The following TBX2 variants were observed in gnomAD, a reference collection of about 807,000 sequenced individuals.
TBX2 encodes the protein T-box transcription factor TBX2.
Under a neutral mutation model 48.4 loss-of-function variants are expected in TBX2, and 19 were observed. The ratio of observed to expected loss-of-function variants is 0.39; its 90% CI spans 0.27 to 0.58. The LOEUF (loss-of-function observed/expected upper bound fraction) is 0.58, where lower values mean the gene tolerates loss of function less well. Among genes scored for constraint, TBX2 ranks in the 20% least tolerant of loss-of-function variants. The pLI, the probability that TBX2 is intolerant of heterozygous loss-of-function variation, is 0.54. For missense variants in TBX2, 994 were observed against 1,006.5 expected, an observed-to-expected ratio of 0.99 and a Z score of 0.17; for synonymous variants, 522 against 459.7, an observed-to-expected ratio of 1.14 and a Z score of -1.73.
chr17:61,401,902 C>T lies in TBX2; in HGVS notation c.614C>T (p.Ala205Val). ...GAGCAGTGGATGGCTAAGCCTGTGG[C>T]CTTCCACAAGCTGAAGCTGACCAAC... ...TGEQWMAKPV[A>V]FHKLKLTNNI... Residue 205 changes from alanine to valine, a missense_variant, in exon 2 of 7, where the codon GCC (alanine) becomes GTC (valine). By Grantham distance (64) the Ala-to-Val change is moderately conservative (BLOSUM62 0). Transcript: ENST00000240328. 1 of 1,611,874 alleles carries T rather than the reference C, an allele frequency of 6.2e-7. No individual in the cohort carries two copies. Among genetic ancestry groups the T allele is most frequent in the Non-Finnish European group, 8.5e-7 (1 of 1,179,250 alleles).
intron 2 of TBX2, 23 bp downstream of exon 2, chr17:61,401,974 GA>G: frequency 6.4e-7 from 1 of 1,573,682 alleles, no homozygotes; most frequent in Non-Finnish European, 8.6e-7. Context: ...GCAGGGTGGG[GA>G]CGGTGCAGGA....
chr17:61,399,960 C>G lies in TBX2; in HGVS notation c.-217C>G, dbSNP rs1390590620. The G allele has an allele frequency of 6.5e-6, 1 of 154,090 alleles. No homozygotes were observed. Among genetic ancestry groups the G allele is most frequent in the African/African-American group, 2.4e-5 (1 of 41,372 alleles). The allele number at this position is 154,090 out of a possible 1,614,324, so 9.5% of individuals were successfully genotyped here. On this transcript the variant is annotated 5_prime_UTR_variant, in exon 1 of 7. Coordinates refer to ENST00000240328, the MANE Select transcript of TBX2 (RefSeq NM_005994.4). This position sits in a 1 kb window ranked among gnomAD's most constrained non-coding sequence, Gnocchi z 4.7. ...CCGGCGCCGGAGCGGGCCAGCTCAG[C>G]CCGGCCCAGCCCGGCCCCGCGCAGA...
In TBX2 at chr17:61,405,684, C is replaced by T; in HGVS notation, c.1534C>T (p.Leu512=). The T allele has an allele frequency of 7.1e-7, 1 of 1,404,684 alleles. No individual in the cohort carries two copies. The highest frequency in any genetic ancestry group is 1.6e-5 in the South Asian group (1 of 63,006). The allele number at this position is 1,404,684 out of a possible 1,614,324, so 87.0% of individuals were successfully genotyped here. Residue 512 remains leucine (L), a synonymous_variant, in exon 6 of 7, where the codon CTG becomes TTG. Coordinates refer to ENST00000240328, the MANE Select transcript of TBX2 (RefSeq NM_005994.4). ...AFSAMGMGHL[L]ASVAGGGNGG... ...CTCCGCCATGGGCATGGGTCACCTACTGGCCTCGGTGGCAGGCGGCGGCAA... is the reference window on the plus strand; with the variant it reads ...CTCCGCCATGGGCATGGGTCACCTATTGGCCTCGGTGGCAGGCGGCGGCAA...
Position 61,404,668 on chromosome 17 carries a change from G to A in TBX2, c.950G>A (p.Gly317Asp). ...YEEHCKPERD[G>D]AESDASSCDP... ...GAGCACTGCAAACCCGAGCGCGATGGCGCGGAGTCAGACGCCTCGTCGTGC... is the reference window on the plus strand; with the variant it reads ...GAGCACTGCAAACCCGAGCGCGATGACGCGGAGTCAGACGCCTCGTCGTGC... Residue 317 changes from glycine to aspartate, a missense_variant, in exon 5 of 7, where the codon GGC becomes GAC. By Grantham distance (94) the Gly-to-Asp change is moderately conservative. Transcript: ENST00000240328. The A allele has an allele frequency of 6.3e-7, 1 of 1,588,370 alleles. No homozygotes were observed. Among genetic ancestry groups the A allele is most frequent in the Non-Finnish European group, 8.6e-7 (1 of 1,167,810 alleles).
At position 61,405,184 on chromosome 17, in the gene TBX2, C is replaced by T. The variant is rs2060282831; in HGVS notation, c.1052-18C>T. ...CCTCCGCCCAGGCCCCTGTAATCCGCGCGCCCTCTCCCCGCAGCTGAGGAG... is the reference window on the plus strand; with the variant it reads ...CCTCCGCCCAGGCCCCTGTAATCCGTGCGCCCTCTCCCCGCAGCTGAGGAG... On this transcript the variant is annotated intron_variant, in intron 5 of 6. Transcript: ENST00000240328. 1.0e-5 allele frequency: 15 copies of T among 1,480,156 alleles called. No individual in the cohort carries two copies. The highest frequency in any genetic ancestry group is 1.2e-5 in the Non-Finnish European group (14 of 1,121,616). 91.7% of individuals were successfully genotyped at this position (1,480,156 alleles called of 1,614,324 possible).
In TBX2 at chr17:61,402,927, C is replaced by CGAGAGAGAGAGAGAGAGA. The variant is rs1569015300; in HGVS notation, c.664-132_664-131insGAGAGAGAGAGAGAGAGA. The CGAGAGAGAGAGAGAGAGA allele has an allele frequency of 2.2e-5, 7 of 323,730 alleles. No individual in the cohort carries two copies. The African/African-American group carries it at 3.6e-4, about 17-fold the overall frequency. 20.1% of individuals were successfully genotyped at this position (323,730 alleles called of 1,614,324 possible). ...GGAGAAAATGGGGAAGAGGAAGAACCGATAGAGAGAGAGAGAGAGAGAGAG... is the reference window on the plus strand; with the variant it reads ...GGAGAAAATGGGGAAGAGGAAGAACCGAGAGAGAGAGAGAGAGAGATAGAGAGAGAGAGAGAGAGAGAG... On this transcript the variant is annotated intron_variant, in intron 2 of 6. Transcript: ENST00000240328.
Position 61,405,420 on chromosome 17 carries a change from A to G in TBX2, c.1270A>G (p.Lys424Glu). 1 of 1,549,270 alleles carries G rather than the reference A, an allele frequency of 6.5e-7. No individual in the cohort carries two copies. The highest frequency in any genetic ancestry group is 1.9e-5 in the Admixed American group (1 of 51,486). Residue 424 changes from lysine to glutamate, a missense_variant, in exon 6 of 7, where the codon AAG (lysine) becomes GAG (glutamate). This residue lies in a region of TBX2 where 639 missense variants were observed against 613.2 expected (regional missense o/e 1.04). Transcript: ENST00000240328. The part of the protein sequence containing the change: ...DGPFGLRSLE[K>E]ERAEARRKDE... Reference sequence around the variant, plus strand: ...CCCGTTCGGCCTGAGGAGCCTGGAGAAGGAGCGCGCCGAAGCTCGGAGGAA... The same window carrying G: ...CCCGTTCGGCCTGAGGAGCCTGGAGGAGGAGCGCGCCGAAGCTCGGAGGAA...
intron 5 of TBX2, 62 bp downstream of exon 5, chr17:61,404,831 C>T: frequency 1.3e-6 from 2 of 1,530,678 alleles, no homozygotes; most frequent in Non-Finnish European, 8.8e-7. Flanking sequence ...GGTCGCTGGG[C>T]TGGTCTTTTG....
rs1402043473 is a variant in TBX2 at position 61,405,464 on chromosome 17, G to A, written c.1314G>A (p.Glu438=). Residue 438 remains glutamate, a synonymous_variant, in exon 6 of 7, where the codon GAG becomes GAA. Coordinates refer to ENST00000240328, the MANE Select transcript of TBX2 (RefSeq NM_005994.4). ...GGAGGAAGGACGAGGGGCGCAAGGA[G>A]GCGGCCGAGGGCAAGGAGCAGGGCC... The part of the protein sequence containing the change: ...EARRKDEGRK[E]AAEGKEQGLA... 1.9e-6 allele frequency: 3 copies of A among 1,576,484 alleles called. No individual in the cohort carries two copies. The highest frequency in any genetic ancestry group is 2.6e-6 in the Non-Finnish European group (3 of 1,164,896).
Position 61,408,515 on chromosome 17 carries a change from C to G in TBX2, c.*9C>G. ...GGGAGTCGCCCAAGTGAGGGGCTGCCCAGCTGCTCCCCTGCCACGCAGGCC... is the reference window on the plus strand; with the variant it reads ...GGGAGTCGCCCAAGTGAGGGGCTGCGCAGCTGCTCCCCTGCCACGCAGGCC... On this transcript the variant is annotated 3_prime_UTR_variant, in exon 7 of 7. Coordinates refer to ENST00000240328, the MANE Select transcript of TBX2 (RefSeq NM_005994.4). 2.1e-6 allele frequency: 3 copies of G among 1,435,778 alleles called. No individual in the cohort carries two copies. Among genetic ancestry groups the G allele is most frequent in the Non-Finnish European group, 2.7e-6 (3 of 1,095,844 alleles). 88.9% of individuals were successfully genotyped at this position (1,435,778 alleles called of 1,614,324 possible). A position where few individuals can be genotyped will look rare whatever the true frequency, so the allele number is the denominator to read the frequency against.
intron 2 of TBX2, among the ~76,000 whole-genome samples, chr17:61,402,853 G>C (rs549009008): frequency 6.6e-6 from 1 of 151,398 alleles, no homozygotes. Flanking sequence ...AGAAAAGCGA[G>C]AGGAAAAGTA....
rs1278325447 is a variant in TBX2 at position 61,399,853 on chromosome 17, G to A, written c.-324G>A. 6.6e-6 allele frequency: 1 copy of A among 152,054 alleles called. No homozygotes were observed. The highest frequency in any genetic ancestry group is 1.5e-5 in the Non-Finnish European group (1 of 68,038). The allele number at this position is 152,054 out of a possible 1,614,324, so 9.4% of individuals were successfully genotyped here. A position where few individuals can be genotyped will look rare whatever the true frequency, so the allele number is the denominator to read the frequency against. On this transcript the variant is annotated 5_prime_UTR_variant, in exon 1 of 7. Transcript: ENST00000240328. The surrounding 1 kb of genome is among the most constrained non-coding windows in gnomAD (Gnocchi z 4.7). ...AGGGGGGCCTGGCTCGTTAGCGCAG[G>A]GGATCCGAGCTGGGCAGGACATGTG...
Position 61,403,084 on chromosome 17 carries a change from G to T in TBX2, c.687G>T (p.Lys229Asn). The change falls in exon 3 of 7, where the codon AAG becomes AAT. Residue 229 changes from lysine (K) to asparagine (N), a missense_variant. Physicochemically the swap from Lys to Asn is moderately conservative, Grantham distance 94. Around this residue, in one of 5 missense-constraint regions of TBX2, gnomAD observed 153 missense variants for 166.2 expected, o/e 0.92. Transcript: ENST00000240328. This position sits in a 1 kb window ranked among gnomAD's most constrained non-coding sequence, Gnocchi z 5.8. The part of the protein sequence containing the change: ...HGFTILNSMH[K>N]YQPRFHIVRA... ...AGACCATCCTAAACTCCATGCACAA[G>T]TACCAGCCGCGCTTCCACATAGTGC... 1 of 1,613,118 alleles carries T rather than the reference G, an allele frequency of 6.2e-7. No individual in the cohort carries two copies.
rs951021132 is a variant in TBX2 at position 61,400,465 on chromosome 17, C to G, written c.289C>G (p.Pro97Ala). The G allele has an allele frequency of 1.9e-6, 3 of 1,599,498 alleles. No homozygotes were observed. Among genetic ancestry groups the G allele is most frequent in the Non-Finnish European group, 2.6e-6 (3 of 1,174,410 alleles). The change falls in exon 1 of 7, where the codon CCC becomes GCC. Residue 97 changes from proline (P) to alanine (A), a missense_variant. This residue lies in a region of TBX2 where 165 missense variants were observed against 136.8 expected (regional missense o/e 1.21). Coordinates refer to ENST00000240328, the MANE Select transcript of TBX2 (RefSeq NM_005994.4). The surrounding 1 kb of genome is among the most constrained non-coding windows in gnomAD (Gnocchi z 9.2). ...TCTGCGCTCCCTCAAGAGCCTGGAG[C>G]CCGAGGACGAGGTGGAGGACGACCC... ...AHLRSLKSLE[P>A]EDEVEDDPKV...
In TBX2 at chr17:61,400,959, T is replaced by A. The variant is rs1603240721; in HGVS notation, c.395+388T>A. 6.6e-6 allele frequency among the ~76,000 whole-genome samples: 1 copy of A among 152,116 alleles called. No homozygotes were observed. The highest frequency in any genetic ancestry group is 1.5e-5 in the Non-Finnish European group (1 of 68,026). ...GGGGGAAATTCAGCCTCTCTCAGAC[T>A]CTGCTCCGACCCCGAAGCCCCTAGT... On this transcript the variant is annotated intron_variant, in intron 1 of 6. Coordinates refer to ENST00000240328, the MANE Select transcript of TBX2 (RefSeq NM_005994.4). The surrounding 1 kb of genome is among the most constrained non-coding windows in gnomAD (Gnocchi z 9.2).
intron 4 of TBX2, 45 bp from the exon 5 acceptor site, chr17:61,404,561 G>C (rs1603241418): frequency 6.3e-7 from 1 of 1,593,442 alleles, no homozygotes. Flanking sequence ...AGGAGGGATG[G>C]AGGGATGGGC....
chr17:61,405,386 C>A lies in TBX2; in HGVS notation c.1236C>A (p.Gly412=). ...GGGGCAAGGAGCCGGCCGAGAGCGG[C>A]GGGGACGGCCCGTTCGGCCTGAGGA... is the stretch of plus-strand genomic sequence containing the variant. ...PERGKEPAES[G]GDGPFGLRSL... Residue 412 remains glycine, a synonymous_variant, in exon 6 of 7, where the codon GGC becomes GGA. Coordinates refer to ENST00000240328, the MANE Select transcript of TBX2 (RefSeq NM_005994.4). 1 of 1,528,818 alleles carries A rather than the reference C, an allele frequency of 6.5e-7. No individual in the cohort carries two copies. Among genetic ancestry groups the A allele is most frequent in the Non-Finnish European group, 8.8e-7 (1 of 1,141,922 alleles). 94.7% of individuals were successfully genotyped at this position (1,528,818 alleles called of 1,614,324 possible). A position where few individuals can be genotyped will look rare whatever the true frequency, so the allele number is the denominator to read the frequency against.
chr17:61,400,586 C>G lies in TBX2; in HGVS notation c.395+15C>G, dbSNP rs1239431684. On this transcript the variant is annotated intron_variant, in intron 1 of 6. Coordinates refer to ENST00000240328, the MANE Select transcript of TBX2 (RefSeq NM_005994.4). This position sits in a 1 kb window ranked among gnomAD's most constrained non-coding sequence, Gnocchi z 9.2. ...AAGTCCGGGAGGTAGGGCTGCCGGC[C>G]GGCTGGAAGGCGCGCGGGCGGGCGG... The G allele has an allele frequency of 4.8e-5, 65 of 1,357,670 alleles. No individual in the cohort carries two copies. Among genetic ancestry groups the G allele is most frequent in the Non-Finnish European group, 5.8e-5 (58 of 992,498 alleles). 84.1% of individuals were successfully genotyped at this position (1,357,670 alleles called of 1,614,324 possible).
In TBX2 at chr17:61,403,445, C is replaced by A. The variant is rs565055464; in HGVS notation, c.810+238C>A. On this transcript the variant is annotated intron_variant, in intron 3 of 6. Coordinates refer to ENST00000240328, the MANE Select transcript of TBX2 (RefSeq NM_005994.4). The surrounding 1 kb of genome is among the most constrained non-coding windows in gnomAD (Gnocchi z 5.8). ...CCCTGGGGCGAGCGAACAGCTGGGC[C>A]GTCGTTCTGATGGAGATGTTTACTT... 3.9e-5 allele frequency among the ~76,000 whole-genome samples: 6 copies of A among 152,390 alleles called. No homozygotes were observed. Among genetic ancestry groups the A allele is most frequent in the Non-Finnish European group, 8.8e-5 (6 of 68,040 alleles).
Sources: gnomAD v4.1 joint callset for allele counts (sites outside exome capture counted in the v4.1 genomes callset) on GRCh38, gnomAD v4.1.1 for gene constraint, gnomAD v4.1.1 regional missense constraint, Gnocchi (gnomAD v3.1) non-coding constraint, MANE v1.5 for transcripts, NCBI Gene and HGNC (gene_info 2026-07-23, HGNC 2026-07-21) for gene names.